CORO2B: variants seen among roughly 807,000 people sequenced by gnomAD.
CORO2B encodes coronin 2B.
In CORO2B, 26 loss-of-function variants were observed where a neutral mutation model predicts 58.8. The observed-to-expected ratio is 0.44, with a 90% CI of 0.32 to 0.61. The LOEUF (loss-of-function observed/expected upper bound fraction) is 0.61, where lower values mean the gene tolerates loss of function less well. Ranked by LOEUF, CORO2B falls within the 20% of genes least tolerant of loss-of-function variation. The pLI, the probability that CORO2B is intolerant of heterozygous loss-of-function variation, is 0.04. For synonymous variants in CORO2B, 242 were observed against 253.8 expected, an observed-to-expected ratio of 0.95 and a Z score of 0.44; for missense variants, 460 against 645.1, an observed-to-expected ratio of 0.71 and a Z score of 3.11.
chr15:68,643,668 G>T (rs1901328192), intron 1 of CORO2B, among the ~76,000 whole-genome samples: 1 of 152,122 alleles, frequency 6.6e-6, no homozygotes, highest in African/African-American at 2.4e-5. Context: ...ATCTTCCCTG[G>T]GATTCTCCTT....
At chr15:68,566,340 C>A in the CORO2B span, among the ~76,000 whole-genome samples, 1 of 152,140 alleles carries the variant, frequency 6.6e-6, no homozygotes, top group African/African-American at 2.4e-5. Context: ...CAAATCCACA[C>A]AGCTAGAGAG....
intron 11 of CORO2B, among the ~76,000 whole-genome samples, chr15:68,725,251 C>G (rs1893265235): frequency 1.3e-5 from 2 of 152,074 alleles, no homozygotes; most frequent in South Asian, 4.1e-4. Context: ...TGCCTGTAAT[C>G]CCAGCTACTC....
chr15:68,570,700 A>C, the CORO2B span, among the ~76,000 whole-genome samples: 2 of 149,206 alleles, frequency 1.3e-5, no homozygotes, highest in African/African-American at 4.9e-5. Flanking sequence ...TAGTCAGTGT[A>C]TTTCCCTTAG....
At chr15:68,566,282 C>A in the CORO2B span, among the ~76,000 whole-genome samples, 1 of 152,168 alleles carries the variant, frequency 6.6e-6, no homozygotes, top group African/African-American at 2.4e-5. Context: ...GTCATTATCC[C>A]CATTTGATAG....
intron 2 of CORO2B, among the ~76,000 whole-genome samples, chr15:68,668,718 T>C (rs530076205): frequency 3.3e-5 from 5 of 151,806 alleles, no homozygotes; most frequent in African/African-American, 1.2e-4. Flanking sequence ...CATTGGAGGG[T>C]TTCAAGCTCA....
Position 68,713,908 on chromosome 15 carries a change from C to CCCT in CORO2B, c.649-15_649-13dup. ...TGTTGGGGACCCTGGCTCACCACCT[C>CCCT]CCTCTGTTCCTACTAGGAGGCCAAC... On this transcript the variant is annotated splice_polypyrimidine_tract_variant and intron_variant, in intron 5 of 11. Transcript: ENST00000261861. 1.9e-6 allele frequency: 3 copies of CCCT among 1,595,978 alleles called. No homozygotes were observed. The highest frequency in any genetic ancestry group is 2.6e-6 in the Non-Finnish European group (3 of 1,164,232).
Position 68,579,460 on chromosome 15 carries a change from A to AG in CORO2B, c.15+188dup, listed in dbSNP as rs529562820. On this transcript the variant is annotated intron_variant, in intron 1 of 11. Coordinates refer to ENST00000261861, the MANE Select transcript of CORO2B (RefSeq NM_006091.5). ...CCGGCCCCCAAGGACTGCGGAGGCCAGGGGGAGGATGCCGCTCTGGCAGCC... is the reference window on the plus strand; with the variant it reads ...CCGGCCCCCAAGGACTGCGGAGGCCAGGGGGGAGGATGCCGCTCTGGCAGCC... Among the ~76,000 whole-genome samples the AG allele has an allele frequency of 3.0e-4, 46 of 151,960 alleles. 1 individual carries two copies. The highest frequency in any genetic ancestry group is 4.7e-4 in the Non-Finnish European group (32 of 67,918).
At chr15:68,574,741 G>A (rs751151273), upstream of CORO2B, among the ~76,000 whole-genome samples, 4 of 152,164 alleles carry the variant, frequency 2.6e-5, no homozygotes, top group Non-Finnish European at 5.9e-5. Flanking sequence ...AGAGACAGAA[G>A]CAAATATATT....
At chr15:68,615,268 A>G in intron 1 of CORO2B, among the ~76,000 whole-genome samples, 1 of 152,140 alleles carries the variant, frequency 6.6e-6, no homozygotes, top group Non-Finnish European at 1.5e-5. Flanking sequence ...CACCCATGAG[A>G]CAGGACTAAT....
chr15:68,654,717 A>T (rs910056746), intron 2 of CORO2B, among the ~76,000 whole-genome samples: 14 of 152,242 alleles, frequency 9.2e-5, no homozygotes, highest in African/African-American at 3.4e-4. Flanking sequence ...CTTAGCACGT[A>T]GCCTGGCCCA....
At chr15:68,630,356 G>A (rs953576349) in intron 1 of CORO2B, among the ~76,000 whole-genome samples, 9 of 152,078 alleles carry the variant, frequency 5.9e-5, no homozygotes, top group Admixed American at 2.0e-4. Context: ...TGGCAGGCAC[G>A]GGCAGCCGCA....
chr15:68,618,666 A>C (rs1466557481), intron 1 of CORO2B, among the ~76,000 whole-genome samples: 1 of 152,240 alleles, frequency 6.6e-6, no homozygotes, highest in Non-Finnish European at 1.5e-5. Context: ...AGCACAAGGC[A>C]GGGACTTTTT....
chr15:68,721,610 G>A (rs1893162533), intron 11 of CORO2B, among the ~76,000 whole-genome samples: 1 of 152,154 alleles, frequency 6.6e-6, no homozygotes, highest in Admixed American at 6.5e-5. Context: ...AGTGGCTGAG[G>A]CAGGAGAATC....
At chr15:68,627,980 CA>C (rs910219105) in intron 1 of CORO2B, among the ~76,000 whole-genome samples, 2 of 152,168 alleles carry the variant, frequency 1.3e-5, no homozygotes, top group Admixed American at 1.3e-4. Context: ...TCCCTGCCCC[CA>C]AACTGGAAAC....
chr15:68,678,667 C>A (rs924014586), intron 2 of CORO2B, among the ~76,000 whole-genome samples: 6 of 152,120 alleles, frequency 3.9e-5, no homozygotes, highest in Admixed American at 3.9e-4. Flanking sequence ...GAGCGAGACT[C>A]CACTTCAAAA....
At chr15:68,643,382 G>A (rs1172763533) in intron 1 of CORO2B, among the ~76,000 whole-genome samples, 5 of 152,140 alleles carry the variant, frequency 3.3e-5, no homozygotes, top group Non-Finnish European at 5.9e-5. Flanking sequence ...AGCCTGGGGA[G>A]GGGAAAGGGC....
the CORO2B span, among the ~76,000 whole-genome samples, chr15:68,542,627 C>T: frequency 1.3e-5 from 2 of 152,354 alleles, no homozygotes; most frequent in African/African-American, 2.4e-5. Context: ...CCCTCATGGC[C>T]ACCTGTGACT....
intron 1 of CORO2B, among the ~76,000 whole-genome samples, chr15:68,610,018 G>A (rs890304189): frequency 1.3e-5 from 2 of 152,168 alleles, no homozygotes; most frequent in Non-Finnish European, 2.9e-5. Context: ...ATAAAACCTG[G>A]CCAGAAACTC....
chr15:68,621,323 C>T (rs191465288), intron 1 of CORO2B, among the ~76,000 whole-genome samples: 15 of 152,350 alleles, frequency 9.8e-5, no homozygotes, highest in Non-Finnish European at 1.3e-4. Context: ...TGGAGAACAA[C>T]GCAGTGCGTG....
Sources: allele counts gnomAD v4.1 joint callset (sites outside exome capture counted in the v4.1 genomes callset), GRCh38; gene constraint gnomAD v4.1.1; transcripts MANE v1.5; gene names NCBI Gene and HGNC (gene_info 2026-07-23, HGNC 2026-07-21).